Variants in CHST11 observed in about 807,000 individuals in gnomAD.
The protein encoded by CHST11 is C4S-1.
A neutral mutation model predicts 30.4 loss-of-function variants in CHST11; 9 were observed. That is an observed-to-expected ratio of 0.30 (90% CI 0.18 to 0.52). The LOEUF is 0.52. Among genes scored for constraint, CHST11 ranks in the 20% least tolerant of loss-of-function variants. The pLI is 0.97. For missense variants in CHST11, 348 were observed against 460.6 expected (o/e 0.76, Z 2.24); for synonymous variants, 152 against 187.8 (o/e 0.81, Z 1.56).
chr12:104,464,487 CT>C (rs2037439965), intron 1 of CHST11, among the ~76,000 whole-genome samples: 1 of 152,038 alleles, frequency 6.6e-6, no homozygotes, highest in African/African-American at 2.4e-5. Context: ...AGACCATCTC[CT>C]TTTTCAATTT....
intron 2 of CHST11, among the ~76,000 whole-genome samples, chr12:104,628,200 A>G (rs921965773): frequency 6.6e-6 from 1 of 152,200 alleles, no homozygotes; most frequent in African/African-American, 2.4e-5. Flanking sequence ...ACCCGAGGTC[A>G]GGAGACAGGA....
chr12:104,460,392 G>T (rs558874344), intron 1 of CHST11, among the ~76,000 whole-genome samples: 1 of 152,166 alleles, frequency 6.6e-6, no homozygotes, highest in African/African-American at 2.4e-5. Flanking sequence ...GGCAGGGCGC[G>T]GTGGCTCATA....
intron 2 of CHST11, among the ~76,000 whole-genome samples, chr12:104,756,562 T>TGTGTGTGTGTG (rs764699955): frequency 1.1e-4 from 17 of 151,574 alleles, no homozygotes; most frequent in South Asian, 2.1e-4. Context: ...TGTGTGTGTG[T>TGTGTGTGTGTG]TTAGAGACAG....
chr12:104,526,007 A>G (rs931826091), intron 1 of CHST11, among the ~76,000 whole-genome samples: 4 of 152,116 alleles, frequency 2.6e-5, no homozygotes, highest in Admixed American at 6.5e-5. Context: ...TTTAACACGA[A>G]TTAGATTTTA....
intron 2 of CHST11, among the ~76,000 whole-genome samples, chr12:104,637,302 T>TAAAAAA (rs10622882): frequency 2.7e-4 from 17 of 62,568 alleles, no homozygotes; most frequent in African/African-American, 9.2e-4. Flanking sequence ...TGAGACCCTG[T>TAAAAAA]AAAAAAAAAA....
chr12:104,733,479 C>T (rs1416158665), intron 2 of CHST11, among the ~76,000 whole-genome samples: 58 of 152,198 alleles, frequency 3.8e-4, no homozygotes, highest in Non-Finnish European at 1.5e-4. Flanking sequence ...TGATGGAACC[C>T]TTGAACCAGG....
chr12:104,746,730 C>T (rs76247779), intron 2 of CHST11, among the ~76,000 whole-genome samples: 2,468 of 152,334 alleles, frequency 0.016, 55 homozygotes, highest in African/African-American at 0.056. Context: ...TAACATGAAG[C>T]CACTTCTTTC....
chr12:104,623,624 C>T (rs1229175889), intron 2 of CHST11, among the ~76,000 whole-genome samples: 1 of 151,996 alleles, frequency 6.6e-6, no homozygotes, highest in Non-Finnish European at 1.5e-5. Context: ...GCAGGAGAAT[C>T]GCTTGAACCT....
At position 104,720,453 on chromosome 12, in the gene CHST11, G is replaced by C. The variant is rs10161421; in HGVS notation, c.205-36496G>C. The stretch of plus-strand genomic sequence containing the variant: ...CAGCCTCCCCTTCCAGACCCCGCAC[G>C]GTATTTCCTCATCCAGGAAGACAGG... On this transcript the variant is annotated intron_variant, in intron 2 of 2. Coordinates refer to ENST00000303694, the MANE Select transcript of CHST11 (RefSeq NM_018413.6). Among the ~76,000 whole-genome samples, 35 of 152,132 alleles carry C rather than the reference G, an allele frequency of 2.3e-4. No homozygotes were observed. The South Asian group carries it at 7.0e-3, about 31-fold the overall frequency.
intron 1 of CHST11, among the ~76,000 whole-genome samples, chr12:104,546,490 T>C (rs942160256): frequency 2.6e-5 from 4 of 151,980 alleles, no homozygotes; most frequent in Admixed American, 1.3e-4. Flanking sequence ...GATTTAAATT[T>C]CCCTTTTAAG....
intron 2 of CHST11, among the ~76,000 whole-genome samples, chr12:104,669,571 A>G (rs1319771587): frequency 6.6e-6 from 1 of 152,116 alleles, no homozygotes; most frequent in Non-Finnish European, 1.5e-5. Context: ...CCAGGCCTAC[A>G]TTGTGTTTGT....
At chr12:104,681,267 A>C (rs559573981) in intron 2 of CHST11, among the ~76,000 whole-genome samples, 54 of 152,372 alleles carry the variant, frequency 3.5e-4, no homozygotes, top group Non-Finnish European at 1.0e-4. Flanking sequence ...AATAAAAAGG[A>C]ATGCAGTACT....
rs1167655600 is a variant in CHST11 at position 104,676,373 on chromosome 12, C to T, written c.204+74382C>T. Among the ~76,000 whole-genome samples the T allele has an allele frequency of 6.6e-6, 1 of 152,184 alleles. No homozygotes were observed. The highest frequency in any genetic ancestry group is 2.4e-5 in the African/African-American group (1 of 41,448). On this transcript the variant is annotated intron_variant, in intron 2 of 2. Transcript: ENST00000303694. The surrounding 1 kb of genome is among the most constrained non-coding windows in gnomAD (Gnocchi z 4.4). ...ATTTTTTGGCTCATGGCCGCATCTC[C>T]TCAACTCTGCTTCCATTGTCACATC...
At chr12:104,751,483 T>C (rs1297036649) in intron 2 of CHST11, among the ~76,000 whole-genome samples, 1 of 152,220 alleles carries the variant, frequency 6.6e-6, no homozygotes, top group Non-Finnish European at 1.5e-5. Flanking sequence ...AAGTCATGAA[T>C]TGCAAAGGTC....
intron 2 of CHST11, among the ~76,000 whole-genome samples, chr12:104,754,881 G>A (rs1025482137): frequency 2.0e-5 from 3 of 152,194 alleles, no homozygotes; most frequent in East Asian, 1.9e-4. Context: ...ATAGTTCAGC[G>A]TGTTGCTGGG....
At chr12:104,749,630 A>G (rs2040414451) in intron 2 of CHST11, among the ~76,000 whole-genome samples, 1 of 152,198 alleles carries the variant, frequency 6.6e-6, no homozygotes, top group South Asian at 2.1e-4. Flanking sequence ...TTTCTTCATT[A>G]ATGAGTGAGT....
intron 1 of CHST11, among the ~76,000 whole-genome samples, chr12:104,598,607 C>A (rs1011258494): frequency 6.6e-6 from 1 of 152,150 alleles, no homozygotes; most frequent in African/African-American, 2.4e-5. Flanking sequence ...CAAGAATGTG[C>A]CCAGAAATCT....
intron 2 of CHST11, among the ~76,000 whole-genome samples, chr12:104,756,707 C>T (rs1299913048): frequency 6.6e-6 from 1 of 152,016 alleles, no homozygotes; most frequent in Admixed American, 6.5e-5. Context: ...GCCACCATGC[C>T]TTCCTAATTT....
At chr12:104,756,835 C>T (rs1053485838) in intron 2 of CHST11, 114 bp from the exon 3 acceptor site, 2 of 1,285,430 alleles carry the variant, frequency 1.6e-6, no homozygotes, top group African/African-American at 1.5e-5. Context: ...GCATGAGCCA[C>T]TGCACCCAGC....
Sources: allele counts gnomAD v4.1 joint callset (sites outside exome capture counted in the v4.1 genomes callset), GRCh38; gene constraint gnomAD v4.1.1; non-coding constraint Gnocchi (gnomAD v3.1); transcripts MANE v1.5; gene names NCBI Gene and HGNC (gene_info 2026-07-23, HGNC 2026-07-21).